CSMD1: variants seen among roughly 807,000 people sequenced by gnomAD.
CSMD1 encodes CUB and sushi domain-containing protein 1.
In CSMD1, 213 loss-of-function variants were observed where a neutral mutation model predicts 417.5. The observed-to-expected ratio is 0.51, with a 90% CI of 0.46 to 0.57. The LOEUF is 0.57. Ranked by LOEUF, CSMD1 falls within the 20% of genes least tolerant of loss-of-function variation. The pLI is 0.00. For missense variants in CSMD1, 6,923 were observed against 4,529.7 expected, an observed-to-expected ratio of 1.53 and a Z score of -15.17; for synonymous variants, 2,862 against 1,736.8, an observed-to-expected ratio of 1.65 and a Z score of -16.11.
intron 1 of CSMD1, among the ~76,000 whole-genome samples, chr8:4,841,773 T>A (rs1800847462): frequency 6.6e-6 from 1 of 151,106 alleles, no homozygotes; most frequent in South Asian, 2.1e-4. Flanking sequence ...TAGCTGGGCG[T>A]GGTGGCACAT....
At chr8:4,351,039 C>A (rs1801063593) in intron 3 of CSMD1, among the ~76,000 whole-genome samples, 2 of 152,130 alleles carry the variant, frequency 1.3e-5, no homozygotes, top group Non-Finnish European at 2.9e-5. Flanking sequence ...TATCAAAGAA[C>A]AAATCTGCCT....
chr8:4,025,082 A>G (rs1475803562), intron 4 of CSMD1, among the ~76,000 whole-genome samples: 1 of 152,200 alleles, frequency 6.6e-6, no homozygotes, highest in Non-Finnish European at 1.5e-5. Flanking sequence ...AAGATTCAGA[A>G]TTGGAGCAAT....
chr8:3,492,971 T>A (rs1038580051), intron 11 of CSMD1, among the ~76,000 whole-genome samples: 1 of 151,946 alleles, frequency 6.6e-6, no homozygotes, highest in Non-Finnish European at 1.5e-5. Context: ...TAATATAACA[T>A]CACAGGGAAG....
chr8:4,351,918 C>A (rs1022496779), intron 3 of CSMD1, among the ~76,000 whole-genome samples: 2 of 150,332 alleles, frequency 1.3e-5, no homozygotes, highest in African/African-American at 2.5e-5. Context: ...TGTAGAAACA[C>A]TGACATTCAA....
chr8:4,172,707 G>A (rs1450517713), intron 3 of CSMD1, among the ~76,000 whole-genome samples: 1 of 152,134 alleles, frequency 6.6e-6, no homozygotes. Flanking sequence ...TATTGCAAAA[G>A]TGACAGGATA....
intron 1 of CSMD1, among the ~76,000 whole-genome samples, chr8:4,796,858 G>C (rs1226079546): frequency 6.6e-6 from 1 of 152,130 alleles, no homozygotes; most frequent in African/African-American, 2.4e-5. Flanking sequence ...CAAAGGTCTG[G>C]GGTCAGGCAA....
intron 8 of CSMD1, among the ~76,000 whole-genome samples, chr8:3,586,759 A>C (rs1800619381): frequency 6.6e-6 from 1 of 152,194 alleles, no homozygotes; most frequent in Non-Finnish European, 1.5e-5. Context: ...GATATTTCAG[A>C]AATTCTTATA....
intron 5 of CSMD1, among the ~76,000 whole-genome samples, chr8:3,913,110 G>A (rs145165087): frequency 6.6e-6 from 1 of 152,114 alleles, no homozygotes; most frequent in African/African-American, 2.4e-5. Flanking sequence ...GTGTTGCAGT[G>A]GTCATGTGGG....
At chr8:3,808,760 G>A (rs1800893536) in intron 5 of CSMD1, among the ~76,000 whole-genome samples, 1 of 152,166 alleles carries the variant, frequency 6.6e-6, no homozygotes, top group Non-Finnish European at 1.5e-5. Flanking sequence ...GCAAGAACAC[G>A]AGTTAGCTTT....
At chr8:4,811,368 T>G (rs1036096667) in intron 1 of CSMD1, among the ~76,000 whole-genome samples, 1 of 152,124 alleles carries the variant, frequency 6.6e-6, no homozygotes, top group Non-Finnish European at 1.5e-5. Context: ...GCCCCCTGTA[T>G]TTTTAACCAT....
chr8:3,050,951 A>C (rs1035922665), intron 50 of CSMD1, among the ~76,000 whole-genome samples: 1 of 152,228 alleles, frequency 6.6e-6, no homozygotes. Context: ...AAAATAGCAG[A>C]TACTGGTGAG....
chr8:3,316,600 G>T (rs941804689), intron 23 of CSMD1, among the ~76,000 whole-genome samples: 1 of 152,174 alleles, frequency 6.6e-6, no homozygotes, highest in African/African-American at 2.4e-5. Flanking sequence ...AACAGTCCAG[G>T]TGGAAAAGGC....
intron 3 of CSMD1, among the ~76,000 whole-genome samples, chr8:4,149,915 G>C (rs930550170): frequency 6.6e-6 from 1 of 152,140 alleles, no homozygotes; most frequent in Non-Finnish European, 1.5e-5. Flanking sequence ...TCTACCTCTT[G>C]GTGTTTTGTT....
intron 3 of CSMD1, among the ~76,000 whole-genome samples, chr8:4,291,487 C>G (rs1797361161): frequency 1.3e-5 from 2 of 151,986 alleles, no homozygotes; most frequent in African/African-American, 4.8e-5. Context: ...CTACTAATTC[C>G]CAGTGATTCT....
At chr8:3,982,178 TAATAATAATAATATTAATAAAAAA>T (rs1384039817) in intron 5 of CSMD1, among the ~76,000 whole-genome samples, 9 of 130,356 alleles carry the variant, frequency 6.9e-5, no homozygotes, top group Admixed American at 5.2e-4. Context: ...ATAATAATAA[TAATAATAATAATATTAATAAAAAA>T]AATAATAATA....
chr8:3,798,722 AC>A (rs1298495452), intron 5 of CSMD1, among the ~76,000 whole-genome samples: 1 of 152,164 alleles, frequency 6.6e-6, no homozygotes, highest in East Asian at 1.9e-4. Flanking sequence ...CTGTATGTAT[AC>A]ATATACAAAA....
intron 10 of CSMD1, among the ~76,000 whole-genome samples, chr8:3,541,889 C>G (rs896480490): frequency 6.6e-6 from 1 of 152,052 alleles, no homozygotes; most frequent in Non-Finnish European, 1.5e-5. Context: ...TGGCAAAACC[C>G]CATCTCTACT....
chr8:3,714,146 TTAGA>T (rs891456543), intron 6 of CSMD1, among the ~76,000 whole-genome samples: 2 of 149,980 alleles, frequency 1.3e-5, no homozygotes, highest in Non-Finnish European at 3.0e-5. Context: ...TTATACGTAT[TTAGA>T]AAGTTAATAA....
intron 7 of CSMD1, among the ~76,000 whole-genome samples, chr8:3,636,500 T>A (rs888068658): frequency 1.3e-5 from 2 of 152,014 alleles, no homozygotes; most frequent in Admixed American, 6.6e-5. Flanking sequence ...TCTTTAGGAG[T>A]CTATCTAAGC....
Sources: allele counts gnomAD v4.1 joint callset (sites outside exome capture counted in the v4.1 genomes callset), GRCh38; gene constraint gnomAD v4.1.1; transcripts MANE v1.5; gene names NCBI Gene and HGNC (gene_info 2026-07-23, HGNC 2026-07-21).